The following TOX variants were observed in gnomAD, a reference collection of about 807,000 sequenced individuals.
The protein encoded by TOX is thymocyte selection-associated high mobility group box protein TOX.
Under a neutral mutation model 53.7 loss-of-function variants are expected in TOX, and 11 were observed. That is an observed-to-expected ratio of 0.20 (90% CI 0.13 to 0.34). TOX has a LOEUF of 0.34. Among genes scored for constraint, TOX ranks in the 10% least tolerant of loss-of-function variants. The pLI, the probability that TOX is intolerant of heterozygous loss-of-function variation, is 1.00. For synonymous variants in TOX, 225 were observed against 245.3 expected (o/e 0.92, Z 0.77); for missense variants, 570 against 664.6 (o/e 0.86, Z 1.56).
intron 1 of TOX, among the ~76,000 whole-genome samples, chr8:59,096,630 T>A (rs1371679718): frequency 6.6e-6 from 1 of 152,180 alleles, no homozygotes; most frequent in African/African-American, 2.4e-5. Flanking sequence ...ATAATGATCA[T>A]AATACTATTT....
chr8:58,893,278 T>C (rs763017530), intron 3 of TOX, among the ~76,000 whole-genome samples: 1 of 152,198 alleles, frequency 6.6e-6, no homozygotes, highest in Non-Finnish European at 1.5e-5. Context: ...TCAACAACTT[T>C]ATTCATATCT....
chr8:59,056,517 A>G (rs1436488388), intron 1 of TOX, among the ~76,000 whole-genome samples: 1 of 151,890 alleles, frequency 6.6e-6, no homozygotes, highest in East Asian at 1.9e-4. Flanking sequence ...AAATGGTAAG[A>G]TGACCCCTTA....
intron 7 of TOX, among the ~76,000 whole-genome samples, chr8:58,811,010 T>C (rs529465645): frequency 5.1e-4 from 78 of 152,362 alleles, no homozygotes; most frequent in African/African-American, 1.8e-3. Flanking sequence ...CTAACTTCAA[T>C]GTCTATTTTA....
rs572176521 is a variant in TOX at position 59,058,240 on chromosome 8, A to G, written c.102+60646T>C. On this transcript the variant is annotated intron_variant, in intron 1 of 8. Transcript: ENST00000361421. ...TAGCATTTGGAAGGTGGAGCAGCTCACTTCCCTGGATTGATCAGTGGTGGC... is the reference window on the plus strand; with the variant it reads ...TAGCATTTGGAAGGTGGAGCAGCTCGCTTCCCTGGATTGATCAGTGGTGGC... 4.6e-5 allele frequency among the ~76,000 whole-genome samples: 7 copies of G among 152,352 alleles called. No homozygotes were observed. In the East Asian group the frequency reaches 1.3e-3, roughly 29 times the overall value.
At chr8:58,814,736 A>G (rs895456757) in intron 7 of TOX, among the ~76,000 whole-genome samples, 29 of 152,234 alleles carry the variant, frequency 1.9e-4, no homozygotes, top group African/African-American at 6.5e-4. Flanking sequence ...TTCAATAATC[A>G]GGGAGTGGGT....
intron 2 of TOX, among the ~76,000 whole-genome samples, chr8:58,943,979 CAT>C (rs1812485238): frequency 6.6e-6 from 1 of 152,154 alleles, no homozygotes; most frequent in Non-Finnish European, 1.5e-5. Context: ...AAATTGGAAA[CAT>C]ATTAGCATAC....
At chr8:59,062,347 G>A (rs1430127301) in intron 1 of TOX, among the ~76,000 whole-genome samples, 1 of 152,222 alleles carries the variant, frequency 6.6e-6, no homozygotes, top group African/African-American at 2.4e-5. Flanking sequence ...GGAAGAACAT[G>A]TCCAAATGAA....
intron 3 of TOX, among the ~76,000 whole-genome samples, chr8:58,931,942 T>C (rs1812261765): frequency 1.3e-5 from 2 of 152,128 alleles, no homozygotes; most frequent in Admixed American, 1.3e-4. Flanking sequence ...TCCTGAATAC[T>C]ATTAAGGAGA....
At chr8:58,862,197 A>T (rs1435258583) in intron 3 of TOX, among the ~76,000 whole-genome samples, 2 of 152,168 alleles carry the variant, frequency 1.3e-5, no homozygotes, top group Admixed American at 6.5e-5. Flanking sequence ...TGGAACAATC[A>T]TTCTAGGAAA....
chr8:58,982,535 C>T (rs1813225167), intron 1 of TOX, among the ~76,000 whole-genome samples: 1 of 152,180 alleles, frequency 6.6e-6, no homozygotes, highest in Non-Finnish European at 1.5e-5. Context: ...GACTCACACT[C>T]CTTAGTCACT....
intron 1 of TOX, among the ~76,000 whole-genome samples, chr8:58,998,954 T>A (rs547944957): frequency 6.6e-6 from 1 of 152,282 alleles, no homozygotes; most frequent in Non-Finnish European, 1.5e-5. Flanking sequence ...TTCAGTTCAA[T>A]CTGTTACTTC....
intron 1 of TOX, among the ~76,000 whole-genome samples, chr8:59,009,621 C>A (rs1813862290): frequency 6.6e-6 from 1 of 152,134 alleles, no homozygotes; most frequent in Non-Finnish European, 1.5e-5. Flanking sequence ...GATAAGCTCA[C>A]CACGACTCCC....
At chr8:58,836,944 GC>G (rs1283846224) in intron 5 of TOX, among the ~76,000 whole-genome samples, 1 of 152,102 alleles carries the variant, frequency 6.6e-6, no homozygotes, top group Admixed American at 6.5e-5. Flanking sequence ...AATTTATATG[GC>G]CCCATTTTGT....
intron 1 of TOX, among the ~76,000 whole-genome samples, chr8:59,017,598 A>T (rs1325355755): frequency 6.6e-6 from 1 of 152,164 alleles, no homozygotes; most frequent in African/African-American, 2.4e-5. Flanking sequence ...GATCTCTTAG[A>T]AGAAACATGT....
intron 3 of TOX, among the ~76,000 whole-genome samples, chr8:58,882,417 G>A (rs1811398876): frequency 6.6e-6 from 1 of 152,180 alleles, no homozygotes; most frequent in Admixed American, 6.5e-5. Flanking sequence ...GCATTTCTTA[G>A]TGGTCCAAAT....
chr8:59,040,446 A>G (rs1803559856), intron 1 of TOX, among the ~76,000 whole-genome samples: 2 of 152,134 alleles, frequency 1.3e-5, no homozygotes, highest in East Asian at 1.9e-4. Context: ...AATTAGGTAC[A>G]GCAGTAACCT....
At chr8:59,113,259 T>A (rs1420634307) in intron 1 of TOX, among the ~76,000 whole-genome samples, 4 of 152,316 alleles carry the variant, frequency 2.6e-5, no homozygotes, top group East Asian at 1.9e-4. Context: ...AAGGGGCTTA[T>A]CTCTGAGCTC....
chr8:58,901,829 G>C (rs2326203), intron 3 of TOX, among the ~76,000 whole-genome samples: 3,397 of 152,180 alleles, frequency 0.022, 138 homozygotes, highest in African/African-American at 0.077. Flanking sequence ...AAATACAATA[G>C]AGAGAATACA....
chr8:58,852,092 A>T (rs574960322), intron 3 of TOX, among the ~76,000 whole-genome samples: 1 of 152,086 alleles, frequency 6.6e-6, no homozygotes, highest in East Asian at 1.9e-4. Context: ...TACACTAGTG[A>T]AATATAGAAA....
Sources: allele counts gnomAD v4.1 joint callset (sites outside exome capture counted in the v4.1 genomes callset), GRCh38; gene constraint gnomAD v4.1.1; transcripts MANE v1.5; gene names NCBI Gene and HGNC (gene_info 2026-07-23, HGNC 2026-07-21).